PPFIA4: variants seen among roughly 807,000 people sequenced by gnomAD.
PPFIA4 encodes the protein PPFI scaffold protein A4.
A neutral mutation model predicts 145.7 loss-of-function variants in PPFIA4; 98 were observed. The observed-to-expected ratio is 0.67, with a 90% CI of 0.57 to 0.80. The LOEUF (loss-of-function observed/expected upper bound fraction) is 0.80. Among genes scored for constraint, PPFIA4 ranks in the 30% least tolerant of loss-of-function variants. The pLI, the probability that PPFIA4 is intolerant of heterozygous loss-of-function variation, is 0.00. For missense variants in PPFIA4, 1,457 were observed against 1,632.7 expected, an observed-to-expected ratio of 0.89 and a Z score of 1.85; for synonymous variants, 628 against 649.6, an observed-to-expected ratio of 0.97 and a Z score of 0.51.
chr1:203,030,618 C>A (rs1658752218), intron 1 of PPFIA4, among the ~76,000 whole-genome samples: 1 of 152,184 alleles, frequency 6.6e-6, no homozygotes, highest in Non-Finnish European at 1.5e-5. Context: ...GGGGCAGAGC[C>A]CCTGGAGTAA....
In PPFIA4 at chr1:203,038,956, CTG is replaced by C. The variant is rs1401528631; in HGVS notation, c.-50_-49del. 1 of 1,025,920 alleles carries C rather than the reference CTG, an allele frequency of 9.7e-7. No individual in the cohort carries two copies. Among genetic ancestry groups the C allele is most frequent in the East Asian group, 2.6e-5 (1 of 38,594 alleles). The allele number at this position is 1,025,920 out of a possible 1,614,324, so 63.6% of individuals were successfully genotyped here. A position where few individuals can be genotyped will look rare whatever the true frequency, so the allele number is the denominator to read the frequency against. On this transcript the variant is annotated 5_prime_UTR_variant, in exon 2 of 30. It removes the in-frame stop codon of an upstream open reading frame in the 5' UTR. Coordinates refer to ENST00000295706, the MANE Select transcript of PPFIA4 (RefSeq NM_001304331.2). ...CTGGGTTCCCCTGGAGGTGCCAACC[CTG>C]TGAGTCCCTCCCTGTCCCCTGACGC...
At chr1:203,031,461 C>A (rs1157396713) in intron 1 of PPFIA4, among the ~76,000 whole-genome samples, 1 of 152,226 alleles carries the variant, frequency 6.6e-6, no homozygotes, top group Non-Finnish European at 1.5e-5. Context: ...CATGACACCC[C>A]CCCATTCTCT....
chr1:203,044,232 T>G, intron 4 of PPFIA4, 137 bp downstream of exon 4: 1 of 1,184,716 alleles, frequency 8.4e-7, no homozygotes, highest in Non-Finnish European at 1.2e-6. Context: ...TTCAAGGTCC[T>G]CCTGTTAGGC....
At chr1:203,073,685 TGAGGACTCAAGG>T (rs1226247439) in intron 28 of PPFIA4, among the ~76,000 whole-genome samples, 1 of 152,072 alleles carries the variant, frequency 6.6e-6, no homozygotes, top group Non-Finnish European at 1.5e-5. Context: ...CATATGGAGA[TGAGGACTCAAGG>T]GAAATAAGGA....
chr1:203,056,234 C>A (rs1660935113), intron 17 of PPFIA4, 79 bp downstream of exon 17: 1 of 1,606,150 alleles, frequency 6.2e-7, no homozygotes, highest in African/African-American at 1.3e-5. Flanking sequence ...TCCCCCAGGG[C>A]CCTTGAGTCT....
chr1:203,061,097 AG>A, intron 23 of PPFIA4, 65 bp downstream of exon 23: 2 of 1,495,834 alleles, frequency 1.3e-6, no homozygotes, highest in South Asian at 2.3e-5. Flanking sequence ...CATGAGGATG[AG>A]GGGAAGGCTG....
chr1:203,055,190 C>G lies in PPFIA4; in HGVS notation c.1830-242C>G, dbSNP rs566571895. Among the ~76,000 whole-genome samples the G allele has an allele frequency of 2.6e-5, 4 of 152,346 alleles. No homozygotes were observed. The South Asian group carries it at 8.3e-4, about 32-fold the overall frequency. The stretch of plus-strand genomic sequence containing the variant: ...GGGGTATGTCAAGAATTCTGATTTT[C>G]AGGATGGTTTATGTTCCACTGACGA... On this transcript the variant is annotated intron_variant, in intron 15 of 29. Transcript: ENST00000295706. This position sits in a 1 kb window ranked among gnomAD's most constrained non-coding sequence, Gnocchi z 4.8.
chr1:203,027,843 T>C (rs1210356813), intron 1 of PPFIA4, among the ~76,000 whole-genome samples: 1 of 152,208 alleles, frequency 6.6e-6, no homozygotes, highest in Non-Finnish European at 1.5e-5. Context: ...TTCTGTTACA[T>C]TGCTGTTGGA....
At position 203,075,491 on chromosome 1, in the gene PPFIA4, C is replaced by G. The variant is rs1662460150; in HGVS notation, c.3394-86C>G. ...GGGGTGGGAGTGGTGCCCCTTGAAC[C>G]AGCAGCGACTGGCCCCCTCCAGGCA... On this transcript the variant is annotated intron_variant, in intron 28 of 29. Transcript: ENST00000295706. The surrounding 1 kb of genome is among the most constrained non-coding windows in gnomAD (Gnocchi z 4.1). The G allele has an allele frequency of 1.7e-6, 2 of 1,176,670 alleles. No homozygotes were observed. Among genetic ancestry groups the G allele is most frequent in the African/African-American group, 1.6e-5 (1 of 63,096 alleles). 72.9% of individuals were successfully genotyped at this position (1,176,670 alleles called of 1,614,324 possible).
chr1:203,063,111 G>A (rs988850521), intron 24 of PPFIA4: 2 of 152,156 alleles, frequency 1.3e-5, no homozygotes, highest in Non-Finnish European at 2.9e-5. Flanking sequence ...AAAGAGTGAG[G>A]TAGGGTCGCT....
At position 203,060,132 on chromosome 1, in the gene PPFIA4, G is replaced by T; in HGVS notation, c.2584-85G>T. ...TTTGCTATTCGAGTCCGTGGATGAGGCCTGGCCCTTGCCCCTTGCTGTTGC... is the reference window on the plus strand; with the variant it reads ...TTTGCTATTCGAGTCCGTGGATGAGTCCTGGCCCTTGCCCCTTGCTGTTGC... On this transcript the variant is annotated intron_variant, in intron 21 of 29. Coordinates refer to ENST00000295706, the MANE Select transcript of PPFIA4 (RefSeq NM_001304331.2). This position sits in a 1 kb window ranked among gnomAD's most constrained non-coding sequence, Gnocchi z 4.8. 7.4e-7 allele frequency: 1 copy of T among 1,347,106 alleles called. No individual in the cohort carries two copies. The highest frequency in any genetic ancestry group is 1.0e-6 in the Non-Finnish European group (1 of 964,310). The allele number at this position is 1,347,106 out of a possible 1,614,324, so 83.4% of individuals were successfully genotyped here.
Position 203,048,992 on chromosome 1 carries a change from C to T in PPFIA4, c.1419+12C>T, listed in dbSNP as rs577239965. 2.1e-5 allele frequency: 33 copies of T among 1,546,808 alleles called. No individual in the cohort carries two copies. The highest frequency in any genetic ancestry group is 1.4e-4 in the South Asian group (12 of 83,702). On this transcript the variant is annotated intron_variant, in intron 12 of 29. Coordinates refer to ENST00000295706, the MANE Select transcript of PPFIA4 (RefSeq NM_001304331.2). This position sits in a 1 kb window ranked among gnomAD's most constrained non-coding sequence, Gnocchi z 5.8. The stretch of plus-strand genomic sequence containing the variant: ...AGCACCACCACAAGGTACCCGGCTG[C>T]GGCCAGCCCCGCCCAGCCTGGGAGG...
chr1:203,071,144 G>T (rs1400297629), intron 27 of PPFIA4, among the ~76,000 whole-genome samples: 2 of 149,772 alleles, frequency 1.3e-5, no homozygotes, highest in African/African-American at 4.9e-5. Context: ...TTTGAGACAG[G>T]GTCTCAGTAT....
chr1:203,049,719 A>C lies in PPFIA4; in HGVS notation c.1463A>C (p.Asp488Ala). The change falls in exon 13 of 30, where the codon GAC becomes GCC. Residue 488 changes from aspartate (D) to alanine (A), a missense_variant. Physicochemically the swap from Asp to Ala is moderately radical, Grantham distance 126. Transcript: ENST00000295706. ...EEIEKLRQEV[D>A]QLKGRGGPFV... ...ATTGAGAAGCTGCGCCAAGAGGTGG[A>C]CCAGCTGAAGGGCCGAGGGGGGCCG... is the stretch of plus-strand genomic sequence containing the variant. The C allele has an allele frequency of 2.5e-6, 4 of 1,582,574 alleles. No individual in the cohort carries two copies. The highest frequency in any genetic ancestry group is 2.6e-6 in the Non-Finnish European group (3 of 1,163,512).
intron 13 of PPFIA4, chr1:203,051,430 C>G: frequency 1.4e-6 from 1 of 732,800 alleles, no homozygotes; most frequent in South Asian, 4.8e-5. Context: ...GGCCGGAGAG[C>G]CTCTGCTCGA....
In PPFIA4 at chr1:203,043,250, T is replaced by C. The variant is rs753470014; in HGVS notation, c.235-147T>C. 4.5e-6 allele frequency: 3 copies of C among 672,320 alleles called. No homozygotes were observed. The highest frequency in any genetic ancestry group is 7.9e-6 in the Non-Finnish European group (3 of 380,114). 41.6% of individuals were successfully genotyped at this position (672,320 alleles called of 1,614,324 possible). On this transcript the variant is annotated intron_variant, in intron 2 of 29. Coordinates refer to ENST00000295706, the MANE Select transcript of PPFIA4 (RefSeq NM_001304331.2). The surrounding 1 kb of genome is among the most constrained non-coding windows in gnomAD (Gnocchi z 4.4). ...AAGCACATGCTAGCTACAGGTTTAC[T>C]GACCTGCAGTGTGGATGGATTGGGA...
chr1:203,047,230 C>G (rs1660151597), intron 9 of PPFIA4, among the ~76,000 whole-genome samples: 1 of 152,198 alleles, frequency 6.6e-6, no homozygotes, highest in African/African-American at 2.4e-5. Flanking sequence ...AGGACCAAGA[C>G]TGCTTCTGCC....
Position 203,044,402 on chromosome 1 carries a change from G to A in PPFIA4, c.525G>A (p.Ala175=), listed in dbSNP as rs1238412220. Residue 175 remains alanine, a synonymous_variant, in exon 5 of 30, where the codon GCG becomes GCA. Transcript: ENST00000295706. ...AGGTGCGAGAGCGGCTCCGGGCAGC[G>A]CTGGAGCGAGTCACCACCTTGGAGG... ...DEKVRERLRA[A]LERVTTLEEQ... 25 of 1,552,100 alleles carry A rather than the reference G, an allele frequency of 1.6e-5. No individual in the cohort carries two copies. Among genetic ancestry groups the A allele is most frequent in the South Asian group, 9.5e-5 (8 of 84,112 alleles).
At chr1:203,037,455 A>G (rs782806) in intron 1 of PPFIA4, among the ~76,000 whole-genome samples, 146,102 of 152,282 alleles carry the variant, frequency 0.96, 70,394 homozygotes, top group East Asian at 1. Context: ...TGCTGTGCTG[A>G]GGGCTTCACA....
Sources: gnomAD v4.1 joint callset for allele counts (sites outside exome capture counted in the v4.1 genomes callset) on GRCh38, gnomAD v4.1.1 for gene constraint, Gnocchi (gnomAD v3.1) non-coding constraint, MANE v1.5 for transcripts, NCBI Gene and HGNC (gene_info 2026-07-23, HGNC 2026-07-21) for gene names.